Variants in SLC27A2 observed in about 807,000 individuals in gnomAD.
SLC27A2 encodes the protein solute carrier family 27 member 2, also known as long-chain fatty acid transport protein 2.
A neutral mutation model predicts 60.0 loss-of-function variants in SLC27A2; 54 were observed. The observed-to-expected ratio is 0.90, with a 90% CI of 0.72 to 1.13. The LOEUF (loss-of-function observed/expected upper bound fraction) is 1.13. Among genes scored for constraint, SLC27A2 ranks in the 50% most tolerant of loss-of-function variants. The probability of loss-of-function intolerance (pLI) is 0.00; values close to 1 mark genes in which losing one functional copy is unlikely to be tolerated. For missense variants in SLC27A2, 739 were observed against 777.6 expected (o/e 0.95, Z 0.59); for synonymous variants, 297 against 297.6 (o/e 1.00, Z 0.02).
intron 1 of SLC27A2, among the ~76,000 whole-genome samples, chr15:50,195,722 C>T (rs935541880): frequency 6.6e-6 from 1 of 151,788 alleles, no homozygotes; most frequent in Admixed American, 6.6e-5. Context: ...CATACACAAA[C>T]ATCTGAAAAA....
intron 7 of SLC27A2, among the ~76,000 whole-genome samples, chr15:50,227,501 C>A (rs1422177185): frequency 2.0e-5 from 3 of 152,188 alleles, no homozygotes; most frequent in African/African-American, 7.2e-5. Context: ...GGATTTTCAC[C>A]TTTCCAATCA....
At chr15:50,224,047 C>T (rs2414041) in intron 5 of SLC27A2, among the ~76,000 whole-genome samples, 150,554 of 152,316 alleles carry the variant, frequency 0.99, 74,434 homozygotes, top group Middle Eastern at 1. Flanking sequence ...GTCACATATG[C>T]TCCTCAGGCC....
chr15:50,200,350 C>T (rs564028203), intron 2 of SLC27A2, among the ~76,000 whole-genome samples: 1 of 152,202 alleles, frequency 6.6e-6, no homozygotes, highest in East Asian at 1.9e-4. Flanking sequence ...ATCACTTGAC[C>T]TGAGGCTGTG....
Position 50,228,853 on chromosome 15 carries a change from T to C in SLC27A2, c.1458-92T>C. 3.6e-6 allele frequency: 3 copies of C among 839,994 alleles called. No homozygotes were observed. The South Asian group carries it at 4.4e-5, about 12-fold the overall frequency. The allele number at this position is 839,994 out of a possible 1,614,324, so 52.0% of individuals were successfully genotyped here. A position where few individuals can be genotyped will look rare whatever the true frequency, so the allele number is the denominator to read the frequency against. ...GATGAGGAACACGAGATCAGGATCA[T>C]GCAGAAATCTAAAGGAAACACCAGC... On this transcript the variant is annotated intron_variant, in intron 7 of 9. Coordinates refer to ENST00000267842, the MANE Select transcript of SLC27A2 (RefSeq NM_003645.4).
intron 1 of SLC27A2, among the ~76,000 whole-genome samples, chr15:50,187,741 C>T (rs1393640744): frequency 6.6e-6 from 1 of 152,076 alleles, no homozygotes; most frequent in Non-Finnish European, 1.5e-5. Flanking sequence ...TTGCAGAAAA[C>T]AAAATTTGAC....
chr15:50,189,132 G>C (rs1161540213), intron 1 of SLC27A2, among the ~76,000 whole-genome samples: 1 of 152,148 alleles, frequency 6.6e-6, no homozygotes, highest in Admixed American at 6.5e-5. Flanking sequence ...TTTCTCTCCT[G>C]AAGCTTAAGG....
chr15:50,184,330 T>A (rs534322381), intron 1 of SLC27A2, among the ~76,000 whole-genome samples: 18 of 152,134 alleles, frequency 1.2e-4, no homozygotes, highest in African/African-American at 4.1e-4. Context: ...TGCATGGATG[T>A]AAACTGTTAA....
chr15:50,233,761 C>T, intron 8 of SLC27A2, 107 bp from the exon 9 acceptor site: 2 of 990,106 alleles, frequency 2.0e-6, no homozygotes, highest in Non-Finnish European at 2.9e-6. Context: ...TCCAGCTATC[C>T]AAATGAAACC....
intron 1 of SLC27A2, among the ~76,000 whole-genome samples, chr15:50,189,025 A>AGATG (rs1567426129): frequency 2.7e-5 from 4 of 149,484 alleles, no homozygotes; most frequent in Admixed American, 6.7e-5. Flanking sequence ...ATAGATAGAT[A>AGATG]GATGCATACA....
Position 50,236,051 on chromosome 15 carries a change from T to C in SLC27A2, c.1818T>C (p.Thr606=). Residue 606 remains threonine, a synonymous_variant, in exon 10 of 10, where the codon ACT becomes ACC. Transcript: ENST00000267842. ...CAGCAAAAATGTATGTGCCTATGAC[T>C]GAGGACATCTATAATGCCATAAGTG... ...DDTAKMYVPM[T]EDIYNAISAK... is the part of the protein sequence containing the mutation. 1 of 1,612,930 alleles carries C rather than the reference T, an allele frequency of 6.2e-7. No homozygotes were observed. Among genetic ancestry groups the C allele is most frequent in the Non-Finnish European group, 8.5e-7 (1 of 1,179,304 alleles).
intron 1 of SLC27A2, among the ~76,000 whole-genome samples, chr15:50,196,053 CAAAAAAAAAA>C (rs1163958587): frequency 3.9e-3 from 7 of 1,818 alleles, no homozygotes; most frequent in African/African-American, 7.6e-3. Context: ...GACTCTGTCT[CAAAAAAAAAA>C]AAAAAAAAAA....
At position 50,194,842 on chromosome 15, in the gene SLC27A2, GAAAAAA is replaced by G. The variant is rs150751800; in HGVS notation, c.479-2654_479-2649del. Reference sequence around the variant, plus strand: ...GGGAATAAAGATTCTTGGGGCAAAAGAAAAAAAAAGAACTGTTCAAGAAAGTAAGTA... The same window carrying G: ...GGGAATAAAGATTCTTGGGGCAAAAGAAAGAACTGTTCAAGAAAGTAAGTA... On this transcript the variant is annotated intron_variant, in intron 1 of 9. Transcript: ENST00000267842. 7.7e-3 allele frequency among the ~76,000 whole-genome samples: 1,155 copies of G among 149,954 alleles called. 8 individuals are homozygous for G. Among genetic ancestry groups the G allele is most frequent in the African/African-American group, 0.027 (1,115 of 40,908 alleles).
rs1178707097 is a variant in SLC27A2 at position 50,216,640 on chromosome 15, A to G, written c.973-6325A>G. ...TATATATATATATATATATATATATATATATATATATATATAGTATAGTTT... is the reference window on the plus strand; with the variant it reads ...TATATATATATATATATATATATATGTATATATATATATATAGTATAGTTT... On this transcript the variant is annotated intron_variant, in intron 4 of 9. Transcript: ENST00000267842. 3.5e-4 allele frequency among the ~76,000 whole-genome samples: 44 copies of G among 126,036 alleles called. 2 individuals carry two copies. Among genetic ancestry groups the G allele is most frequent in the Admixed American group, 8.1e-4 (10 of 12,328 alleles). The allele number at this position is 126,036 out of a possible 152,430, so 82.7% of individuals were successfully genotyped here.
chr15:50,214,433 G>A (rs1338544611), intron 4 of SLC27A2, among the ~76,000 whole-genome samples: 1 of 151,984 alleles, frequency 6.6e-6, no homozygotes, highest in Non-Finnish European at 1.5e-5. Context: ...TATTCCACAA[G>A]ATAGAGAAAG....
intron 4 of SLC27A2, among the ~76,000 whole-genome samples, chr15:50,214,744 G>A (rs1466973164): frequency 3.3e-5 from 5 of 152,096 alleles, no homozygotes; most frequent in African/African-American, 9.7e-5. Flanking sequence ...TGCAGAAAAA[G>A]CATTCAACAA....
chr15:50,202,590 G>C lies in SLC27A2; in HGVS notation c.792G>C (p.Leu264=). The C allele has an allele frequency of 6.2e-7, 1 of 1,614,140 alleles. No individual in the cohort carries two copies. Among genetic ancestry groups the C allele is most frequent in the Non-Finnish European group, 8.5e-7 (1 of 1,180,022 alleles). Residue 264 remains leucine (L), a synonymous_variant, in exon 3 of 10, where the codon CTG becomes CTC. Transcript: ENST00000267842. ...CAGATGATGTCATCTATATCACTCT[G>C]CCCTTTTACCACAGTGCTGCACTAC... ...LKADDVIYIT[L]PFYHSAALLI...
At chr15:50,226,505 G>C (rs555257401) in intron 6 of SLC27A2, among the ~76,000 whole-genome samples, 3 of 152,306 alleles carry the variant, frequency 2.0e-5, no homozygotes, top group South Asian at 2.1e-4. Context: ...GTTGAGGAAG[G>C]CTGATCATTT....
intron 2 of SLC27A2, 31 bp downstream of exon 2, chr15:50,197,740 A>T: frequency 6.5e-7 from 1 of 1,530,942 alleles, no homozygotes; most frequent in African/African-American, 1.4e-5. Flanking sequence ...CTCCAAAAAA[A>T]TTAATCTGAA....
At chr15:50,218,899 G>A (rs942551059) in intron 4 of SLC27A2, among the ~76,000 whole-genome samples, 6 of 152,260 alleles carry the variant, frequency 3.9e-5, no homozygotes, top group Middle Eastern at 3.4e-3. Context: ...TGGAAAACAG[G>A]AAATTCCATG....
Sources: gnomAD v4.1 joint callset for allele counts (sites outside exome capture counted in the v4.1 genomes callset) on GRCh38, gnomAD v4.1.1 for gene constraint, MANE v1.5 for transcripts, NCBI Gene and HGNC (gene_info 2026-07-23, HGNC 2026-07-21) for gene names.